Variants in CAMK1D observed in about 807,000 individuals in gnomAD.
The protein encoded by CAMK1D is calcium/calmodulin-dependent protein kinase type 1D.
In CAMK1D, 9 loss-of-function variants were observed where a neutral mutation model predicts 47.7. The observed-to-expected ratio is 0.19, with a 90% CI of 0.11 to 0.33. CAMK1D has a LOEUF of 0.33. Among genes scored for constraint, CAMK1D ranks in the 10% least tolerant of loss-of-function variants. The pLI is 1.00. For synonymous variants in CAMK1D, 184 were observed against 184.9 expected, an observed-to-expected ratio of 0.99 and a Z score of 0.04; for missense variants, 291 against 488.7, an observed-to-expected ratio of 0.60 and a Z score of 3.81.
intron 2 of CAMK1D, among the ~76,000 whole-genome samples, chr10:12,592,629 C>T (rs770827480): frequency 4.6e-5 from 7 of 152,162 alleles, no homozygotes; most frequent in East Asian, 1.9e-4. Context: ...TTTCATGCCC[C>T]TTATTTCCAA....
At chr10:12,828,661 C>T in intron 10 of CAMK1D, 108 bp from the exon 11 acceptor site, 2 of 629,414 alleles carry the variant, frequency 3.2e-6, no homozygotes, top group East Asian at 3.7e-5. Flanking sequence ...AAAAATTGGG[C>T]CCCCCCGCCC....
intron 1 of CAMK1D, among the ~76,000 whole-genome samples, chr10:12,546,842 A>G (rs1836391446): frequency 6.6e-6 from 1 of 152,026 alleles, no homozygotes; most frequent in Non-Finnish European, 1.5e-5. Context: ...TAGCATTAGG[A>G]GATATACCTA....
intron 1 of CAMK1D, among the ~76,000 whole-genome samples, chr10:12,415,727 G>A (rs917147935): frequency 2.0e-5 from 3 of 150,708 alleles, no homozygotes; most frequent in African/African-American, 4.9e-5. Context: ...ACTTCCCTAC[G>A]GAAGTGGATT....
intron 2 of CAMK1D, among the ~76,000 whole-genome samples, chr10:12,657,660 T>C (rs1464938587): frequency 6.6e-6 from 1 of 152,166 alleles, no homozygotes; most frequent in East Asian, 1.9e-4. Context: ...GTGGTTCAGA[T>C]GAAGAGCCCC....
At chr10:12,405,464 G>A (rs1391477156) in intron 1 of CAMK1D, among the ~76,000 whole-genome samples, 2 of 152,194 alleles carry the variant, frequency 1.3e-5, no homozygotes, top group Non-Finnish European at 2.9e-5. Flanking sequence ...GAACTAACGA[G>A]AAAACTCCGC....
chr10:12,484,004 T>G (rs1020452730), intron 1 of CAMK1D, among the ~76,000 whole-genome samples: 1 of 152,154 alleles, frequency 6.6e-6, no homozygotes, highest in African/African-American at 2.4e-5. Context: ...ATTTTCTTAA[T>G]GAGCTGATTT....
intron 2 of CAMK1D, among the ~76,000 whole-genome samples, chr10:12,602,895 G>GTTGTTGTTATTATTATTATTA (rs150080599): frequency 7.4e-6 from 1 of 134,396 alleles, no homozygotes; most frequent in African/African-American, 2.7e-5. Flanking sequence ...CTAACTGCTT[G>GTTGTTGTTATTATTATTATTA]TTATTATTAT....
At chr10:12,769,237 C>T (rs533939718) in intron 4 of CAMK1D, among the ~76,000 whole-genome samples, 1 of 152,316 alleles carries the variant, frequency 6.6e-6, no homozygotes, top group South Asian at 2.1e-4. Context: ...TGCAGGGCAG[C>T]AGGGCGTGTT....
chr10:12,777,958 C>G (rs1330855999), intron 5 of CAMK1D, among the ~76,000 whole-genome samples: 1 of 152,200 alleles, frequency 6.6e-6, no homozygotes, highest in Non-Finnish European at 1.5e-5. Flanking sequence ...ACTTGTGATT[C>G]AGGGACCACA....
chr10:12,595,451 G>A (rs1207648841), intron 2 of CAMK1D, among the ~76,000 whole-genome samples: 3 of 151,118 alleles, frequency 2.0e-5, no homozygotes, highest in South Asian at 2.1e-4. Flanking sequence ...AATGCTGCTG[G>A]CTTGTGGAAT....
chr10:12,435,727 G>A (rs113887857), intron 1 of CAMK1D, among the ~76,000 whole-genome samples: 25 of 152,294 alleles, frequency 1.6e-4, no homozygotes, highest in African/African-American at 5.5e-4. Flanking sequence ...GATGTAGGTC[G>A]CCTGTGGCTG....
intron 3 of CAMK1D, among the ~76,000 whole-genome samples, chr10:12,676,211 C>T (rs1023260162): frequency 2.0e-5 from 3 of 152,218 alleles, no homozygotes; most frequent in African/African-American, 4.8e-5. Context: ...GCCTCTACCT[C>T]CCAGAGTGCT....
In CAMK1D at chr10:12,595,198, C is replaced by G. The variant is rs540887059; in HGVS notation, c.224+41842C>G. Among the ~76,000 whole-genome samples, 3 of 151,746 alleles carry G rather than the reference C, an allele frequency of 2.0e-5. No individual in the cohort carries two copies. The South Asian group carries it at 6.3e-4, about 32-fold the overall frequency. ...CTCTACTAAAAATACAAAAATTAGCCAGGCATGGTGGCATGTGCCTTCAAT... is the reference window on the plus strand; with the variant it reads ...CTCTACTAAAAATACAAAAATTAGCGAGGCATGGTGGCATGTGCCTTCAAT... On this transcript the variant is annotated intron_variant, in intron 2 of 10. Transcript: ENST00000619168.
At chr10:12,523,528 C>T (rs1378625255) in intron 1 of CAMK1D, among the ~76,000 whole-genome samples, 1 of 151,770 alleles carries the variant, frequency 6.6e-6, no homozygotes, top group African/African-American at 2.4e-5. Flanking sequence ...GGATCACTCG[C>T]AGTTAGGAGC....
At chr10:12,614,206 G>T (rs1295999184) in intron 2 of CAMK1D, among the ~76,000 whole-genome samples, 1 of 152,208 alleles carries the variant, frequency 6.6e-6, no homozygotes, top group Non-Finnish European at 1.5e-5. Flanking sequence ...GGCAACAGGA[G>T]TTCCCTCCTT....
intron 2 of CAMK1D, among the ~76,000 whole-genome samples, chr10:12,598,527 T>C (rs1838209396): frequency 6.6e-6 from 1 of 152,260 alleles, no homozygotes; most frequent in South Asian, 2.1e-4. Flanking sequence ...AAATGAAATC[T>C]GTTTCGGGTC....
At chr10:12,774,441 A>C (rs1837183916) in intron 5 of CAMK1D, among the ~76,000 whole-genome samples, 1 of 152,210 alleles carries the variant, frequency 6.6e-6, no homozygotes, top group African/African-American at 2.4e-5. Flanking sequence ...GAGCAGGGGA[A>C]GCAGGAAGGA....
chr10:12,555,618 C>A (rs1836735416), intron 2 of CAMK1D, among the ~76,000 whole-genome samples: 1 of 152,190 alleles, frequency 6.6e-6, no homozygotes, highest in Non-Finnish European at 1.5e-5. Context: ...AATGTGAAAT[C>A]AGTACTTGGA....
At position 12,824,557 on chromosome 10, in the gene CAMK1D, G is replaced by A. The variant is rs1232500387; in HGVS notation, c.921+5G>A. The A allele has an allele frequency of 6.2e-7, 1 of 1,611,474 alleles. No homozygotes were observed. The highest frequency in any genetic ancestry group is 8.5e-7 in the Non-Finnish European group (1 of 1,177,804). ...TTTGCCAAGAGCAAATGGAGAGTAA[G>A]TGTGGAGTATATGAAATTCCCCGTG... On this transcript the variant is annotated splice_donor_5th_base_variant and intron_variant, in intron 9 of 10. Coordinates refer to ENST00000619168, the MANE Select transcript of CAMK1D (RefSeq NM_153498.4).
Sources: allele counts gnomAD v4.1 joint callset (sites outside exome capture counted in the v4.1 genomes callset), GRCh38; gene constraint gnomAD v4.1.1; transcripts MANE v1.5; gene names NCBI Gene and HGNC (gene_info 2026-07-23, HGNC 2026-07-21).